Variants in CDH13 observed in about 807,000 individuals in gnomAD.
CDH13 encodes the protein cadherin-13.
A neutral mutation model predicts 63.8 loss-of-function variants in CDH13; 24 were observed. The ratio of observed to expected loss-of-function variants is 0.38; its 90% CI spans 0.27 to 0.53. The LOEUF is 0.53. CDH13 is among the 20% of genes least tolerant of loss of function. The pLI is 0.85. For missense variants in CDH13, 1,049 were observed against 903.1 expected (o/e 1.16, Z -2.07); for synonymous variants, 503 against 355.3 (o/e 1.42, Z -4.67).
At chr16:83,492,496 T>A (rs2074037321) in intron 7 of CDH13, among the ~76,000 whole-genome samples, 1 of 151,684 alleles carries the variant, frequency 6.6e-6, no homozygotes, top group Admixed American at 6.6e-5. Flanking sequence ...ATTTTCCCCA[T>A]TTTTTTTATC....
chr16:82,814,672 C>T (rs1462052), intron 1 of CDH13, among the ~76,000 whole-genome samples: 2 of 152,078 alleles, frequency 1.3e-5, no homozygotes, highest in East Asian at 1.9e-4. Flanking sequence ...ATAATAAATG[C>T]GTAAATATAA....
chr16:83,205,384 A>C (rs2039153233), intron 4 of CDH13, among the ~76,000 whole-genome samples: 1 of 152,190 alleles, frequency 6.6e-6, no homozygotes, highest in African/African-American at 2.4e-5. Context: ...CAATGATTGA[A>C]TGACCCAAAG....
At chr16:83,767,576 A>T (rs1324805085) in intron 11 of CDH13, among the ~76,000 whole-genome samples, 1 of 152,220 alleles carries the variant, frequency 6.6e-6, no homozygotes, top group Admixed American at 6.5e-5. Context: ...TATTCGTAAT[A>T]GACAAAAAGT....
At chr16:83,359,658 A>C (rs2091124731) in intron 6 of CDH13, among the ~76,000 whole-genome samples, 1 of 152,204 alleles carries the variant, frequency 6.6e-6, no homozygotes, top group East Asian at 1.9e-4. Flanking sequence ...ATAGAAATAT[A>C]AATAAAATTT....
chr16:83,749,159 A>G (rs1912863658), intron 11 of CDH13, among the ~76,000 whole-genome samples: 1 of 152,238 alleles, frequency 6.6e-6, no homozygotes, highest in African/African-American at 2.4e-5. Context: ...CCAGCTGTTT[A>G]TGGCTAAAGA....
intron 2 of CDH13, among the ~76,000 whole-genome samples, chr16:82,946,058 C>G (rs1247425100): frequency 6.6e-6 from 1 of 152,094 alleles, no homozygotes; most frequent in African/African-American, 2.4e-5. Context: ...ATTTCTCTTT[C>G]CCCTGATCAA....
chr16:83,189,088 C>T (rs896350653), intron 4 of CDH13, among the ~76,000 whole-genome samples: 7 of 152,292 alleles, frequency 4.6e-5, no homozygotes, highest in African/African-American at 9.6e-5. Flanking sequence ...GAAAGGAACT[C>T]GATGCCCTGT....
intron 10 of CDH13, among the ~76,000 whole-genome samples, chr16:83,720,584 A>T (rs1293167915): frequency 6.7e-6 from 1 of 148,920 alleles, no homozygotes; most frequent in African/African-American, 2.5e-5. Context: ...CTCTGTCTTT[A>T]AAAAAAAAAG....
intron 2 of CDH13, among the ~76,000 whole-genome samples, chr16:82,877,479 G>A (rs2040543511): frequency 6.6e-6 from 1 of 152,158 alleles, no homozygotes; most frequent in African/African-American, 2.4e-5. Flanking sequence ...TAGGTGGTCT[G>A]AATTCTCAGG....
At chr16:83,700,628 A>G (rs1296073246) in intron 10 of CDH13, among the ~76,000 whole-genome samples, 1 of 152,212 alleles carries the variant, frequency 6.6e-6, no homozygotes, top group East Asian at 1.9e-4. Flanking sequence ...TGGGAATGCA[A>G]TCCCATATTT....
At chr16:83,693,279 T>C (rs557268314) in intron 10 of CDH13, among the ~76,000 whole-genome samples, 1 of 152,270 alleles carries the variant, frequency 6.6e-6, no homozygotes, top group East Asian at 1.9e-4. Flanking sequence ...GGAGTCACTG[T>C]GATGGATACA....
intron 1 of CDH13, among the ~76,000 whole-genome samples, chr16:82,738,767 T>C (rs940255822): frequency 2.6e-5 from 4 of 152,248 alleles, no homozygotes; most frequent in African/African-American, 9.6e-5. Flanking sequence ...ATTAACTCTC[T>C]ATGCCCTAAA....
chr16:83,212,185 C>G (rs186337973), intron 4 of CDH13, among the ~76,000 whole-genome samples: 1 of 152,244 alleles, frequency 6.6e-6, no homozygotes, highest in African/African-American at 2.4e-5. Context: ...GGTCTGGAAA[C>G]ACACTTGATT....
intron 2 of CDH13, among the ~76,000 whole-genome samples, chr16:82,890,586 A>C (rs559956964): frequency 2.6e-5 from 4 of 151,716 alleles, no homozygotes; most frequent in Admixed American, 1.3e-4. Flanking sequence ...GTCTTCTTAC[A>C]TTTGTAACAT....
intron 4 of CDH13, among the ~76,000 whole-genome samples, chr16:83,158,819 G>A (rs982289433): frequency 3.9e-5 from 6 of 152,206 alleles, no homozygotes; most frequent in African/African-American, 1.4e-4. Flanking sequence ...TGGTAGCCAG[G>A]AAGGGCGGCG....
chr16:83,713,959 C>A (rs1001277573), intron 10 of CDH13, among the ~76,000 whole-genome samples: 1 of 152,186 alleles, frequency 6.6e-6, no homozygotes, highest in Non-Finnish European at 1.5e-5. Flanking sequence ...CTCTGCACCC[C>A]AGAGAAATGC....
intron 10 of CDH13, among the ~76,000 whole-genome samples, chr16:83,746,752 T>A (rs1470706926): frequency 1.3e-5 from 2 of 152,222 alleles, no homozygotes; most frequent in Non-Finnish European, 2.9e-5. Context: ...AACAGCATCT[T>A]TCTGGCTTAG....
chr16:83,414,352 C>T (rs2092169825), intron 6 of CDH13, among the ~76,000 whole-genome samples: 1 of 152,124 alleles, frequency 6.6e-6, no homozygotes, highest in Non-Finnish European at 1.5e-5. Context: ...CAGGGTGATG[C>T]AACCACCACC....
chr16:83,762,954 G>A (rs147993587), intron 11 of CDH13, among the ~76,000 whole-genome samples: 1,964 of 152,290 alleles, frequency 0.013, 18 homozygotes, highest in Middle Eastern at 0.044. Context: ...AGGTGTCCCT[G>A]TTAGTTCCCC....
Sources: gnomAD v4.1 joint callset for allele counts (sites outside exome capture counted in the v4.1 genomes callset) on GRCh38, gnomAD v4.1.1 for gene constraint, MANE v1.5 for transcripts, NCBI Gene and HGNC (gene_info 2026-07-23, HGNC 2026-07-21) for gene names.